Variants in DSCAM observed in about 807,000 individuals in gnomAD.
DSCAM encodes DS cell adhesion molecule.
Under a neutral mutation model 217.7 loss-of-function variants are expected in DSCAM, and 47 were observed. The observed-to-expected ratio is 0.22, with a 90% CI of 0.17 to 0.28. The LOEUF (loss-of-function observed/expected upper bound fraction) is 0.28, where lower values mean the gene tolerates loss of function less well. DSCAM is among the 10% of genes least tolerant of loss of function. DSCAM has a pLI of 1.00. For synonymous variants in DSCAM, 1,056 were observed against 1,015.3 expected (o/e 1.04, Z -0.76); for missense variants, 2,080 against 2,618.3 (o/e 0.79, Z 4.49).
chr21:40,079,073 GC>G, intron 25 of DSCAM, 96 bp from the exon 26 acceptor site: 2 of 1,418,146 alleles, frequency 1.4e-6, no homozygotes, highest in Non-Finnish European at 1.9e-6. Flanking sequence ...CTCCAGCGAG[GC>G]CAGGAGCTCA....
intron 3 of DSCAM, among the ~76,000 whole-genome samples, chr21:40,532,232 A>G (rs1489410013): frequency 6.6e-6 from 1 of 151,746 alleles, no homozygotes; most frequent in African/African-American, 2.4e-5. Flanking sequence ...CCACTGGGGA[A>G]AACAAAAAAA....
At chr21:40,783,856 A>AT (rs2091568598) in intron 1 of DSCAM, among the ~76,000 whole-genome samples, 1 of 152,208 alleles carries the variant, frequency 6.6e-6, no homozygotes, top group South Asian at 2.1e-4. Flanking sequence ...TCTGGGGAGC[A>AT]TAGCTCAAAG....
In DSCAM at chr21:40,661,272, T is replaced by C. The variant is rs189738650; in HGVS notation, c.508+31538A>G. 2.6e-4 allele frequency among the ~76,000 whole-genome samples: 39 copies of C among 152,298 alleles called. No individual in the cohort carries two copies. In the East Asian group the frequency reaches 7.5e-3, roughly 29 times the overall value. On this transcript the variant is annotated intron_variant, in intron 3 of 32. Transcript: ENST00000400454. ...TCAAGATGTGTATAGAAAATGTGAG[T>C]GGGACCTCAATTCTATCTAACACTC...
chr21:40,028,572 T>C (rs1432916431), intron 32 of DSCAM, among the ~76,000 whole-genome samples: 1 of 152,078 alleles, frequency 6.6e-6, no homozygotes, highest in Non-Finnish European at 1.5e-5. Context: ...TTTAAGCCCG[T>C]CAGAAAAGCA....
chr21:40,708,176 A>T (rs1476576174), intron 2 of DSCAM, among the ~76,000 whole-genome samples: 2 of 152,182 alleles, frequency 1.3e-5, no homozygotes, highest in African/African-American at 4.8e-5. Context: ...TGAAAATTTG[A>T]ATTAGAGTAT....
At chr21:40,464,064 T>C (rs2075825729) in intron 3 of DSCAM, among the ~76,000 whole-genome samples, 1 of 152,204 alleles carries the variant, frequency 6.6e-6, no homozygotes, top group African/African-American at 2.4e-5. Flanking sequence ...CACTCTTTCC[T>C]GAGGTAACCA....
intron 11 of DSCAM, among the ~76,000 whole-genome samples, chr21:40,265,507 A>G (rs1295887488): frequency 1.3e-5 from 2 of 152,112 alleles, no homozygotes; most frequent in Admixed American, 1.3e-4. Context: ...TAAAATTCAT[A>G]GGGAACCAAA....
chr21:40,312,980 G>A (rs1458398439), intron 8 of DSCAM, among the ~76,000 whole-genome samples: 1 of 151,908 alleles, frequency 6.6e-6, no homozygotes. Flanking sequence ...AGCCAGGTGC[G>A]ATGGTGTGCA....
intron 3 of DSCAM, among the ~76,000 whole-genome samples, chr21:40,431,977 G>C (rs2075537354): frequency 6.6e-6 from 1 of 152,088 alleles, no homozygotes; most frequent in African/African-American, 2.4e-5. Context: ...AGGCGGGCAG[G>C]TCACCTGAGG....
chr21:40,299,494 G>A (rs1410923624), intron 9 of DSCAM, among the ~76,000 whole-genome samples: 2 of 152,110 alleles, frequency 1.3e-5, no homozygotes, highest in Non-Finnish European at 1.5e-5. Flanking sequence ...ATATGCTTGG[G>A]TTGAGTTCTG....
intron 3 of DSCAM, among the ~76,000 whole-genome samples, chr21:40,436,775 C>A (rs1227446302): frequency 6.6e-6 from 1 of 152,238 alleles, no homozygotes; most frequent in Non-Finnish European, 1.5e-5. Flanking sequence ...CTGGGTCCTT[C>A]TAAGAGCACA....
At chr21:40,416,321 A>G (rs73902609) in intron 3 of DSCAM, among the ~76,000 whole-genome samples, 1,627 of 152,252 alleles carry the variant, frequency 0.011, 28 homozygotes, top group African/African-American at 0.036. Context: ...TCACACACAG[A>G]TTATGTCTTC....
At chr21:40,531,860 C>A (rs767286796) in intron 3 of DSCAM, among the ~76,000 whole-genome samples, 9 of 152,210 alleles carry the variant, frequency 5.9e-5, no homozygotes, top group Non-Finnish European at 1.3e-4. Context: ...GCATCCCACT[C>A]AATGCTCTGC....
intron 8 of DSCAM, among the ~76,000 whole-genome samples, chr21:40,327,611 C>CT (rs918542375): frequency 4.8e-4 from 70 of 145,370 alleles, no homozygotes; most frequent in Middle Eastern, 7.1e-3. Flanking sequence ...GAGTGTGCAT[C>CT]TTTTTTTTTT....
chr21:40,548,170 C>T (rs77959475), intron 3 of DSCAM, among the ~76,000 whole-genome samples: 5,365 of 152,266 alleles, frequency 0.035, 322 homozygotes, highest in African/African-American at 0.12. Flanking sequence ...TAGAAAAAAG[C>T]GCCAGCTCCT....
intron 1 of DSCAM, among the ~76,000 whole-genome samples, chr21:40,750,264 C>T (rs1439553343): frequency 6.6e-6 from 1 of 152,142 alleles, no homozygotes; most frequent in African/African-American, 2.4e-5. Flanking sequence ...CTCCTAGTCT[C>T]TCATTTTAAG....
At chr21:40,116,040 C>G (rs1601346464) in intron 20 of DSCAM, among the ~76,000 whole-genome samples, 2 of 152,228 alleles carry the variant, frequency 1.3e-5, no homozygotes, top group East Asian at 3.9e-4. Context: ...TCTTAGCAAA[C>G]TAACATGGAA....
intron 16 of DSCAM, among the ~76,000 whole-genome samples, chr21:40,149,386 A>C (rs1482716529): frequency 6.7e-6 from 1 of 148,914 alleles, no homozygotes; most frequent in African/African-American, 2.5e-5. Flanking sequence ...TCCCAACACC[A>C]ACACCACTGT....
At chr21:40,521,327 C>T (rs149783991) in intron 3 of DSCAM, among the ~76,000 whole-genome samples, 3 of 152,206 alleles carry the variant, frequency 2.0e-5, no homozygotes, top group East Asian at 1.9e-4. Flanking sequence ...TTTGAGAAAC[C>T]GCTATACTTT....
Sources: gnomAD v4.1 joint callset for allele counts (sites outside exome capture counted in the v4.1 genomes callset) on GRCh38, gnomAD v4.1.1 for gene constraint, MANE v1.5 for transcripts, NCBI Gene and HGNC (gene_info 2026-07-23, HGNC 2026-07-21) for gene names.